RHPN2: variants seen among roughly 807,000 people sequenced by gnomAD.
RHPN2 encodes rhophilin Rho GTPase binding protein 2.
A neutral mutation model predicts 79.0 loss-of-function variants in RHPN2; 40 were observed. The observed-to-expected ratio is 0.51, with a 90% CI of 0.39 to 0.66. RHPN2 has a LOEUF of 0.66. RHPN2 is among the 30% of genes least tolerant of loss of function. The pLI, the probability that RHPN2 is intolerant of heterozygous loss-of-function variation, is 0.00. For synonymous variants in RHPN2, 285 were observed against 363.5 expected (o/e 0.78, Z 2.46); for missense variants, 686 against 883.5 (o/e 0.78, Z 2.83).
At position 32,996,120 on chromosome 19, in the gene RHPN2, C is replaced by A. The variant is rs756689373; in HGVS notation, c.1326G>T (p.Val442=). The A allele has an allele frequency of 6.2e-7, 1 of 1,614,096 alleles. No individual in the cohort carries two copies. The highest frequency in any genetic ancestry group is 1.1e-5 in the South Asian group (1 of 91,078). Residue 442 remains valine, a synonymous_variant, in exon 11 of 15, where the codon GTG becomes GTT. Transcript: ENST00000254260. Reference sequence around the variant, plus strand: ...GGGAGCGTTCCTGTGCGGCACACAGCACCTTCTGTAGCACCTCAATGCTCC... The same window carrying A: ...GGGAGCGTTCCTGTGCGGCACACAGAACCTTCTGTAGCACCTCAATGCTCC... ...KLRSIEVLQK[V]LCAAQERSRL... is the part of the protein sequence containing the mutation.
chr19:33,064,460 G>A (rs1422655630), intron 1 of RHPN2, among the ~76,000 whole-genome samples: 2 of 144,246 alleles, frequency 1.4e-5, no homozygotes, highest in African/African-American at 5.0e-5. Context: ...AGGCACCAGG[G>A]ATCGCAAGCG....
intron 3 of RHPN2, among the ~76,000 whole-genome samples, chr19:33,021,935 CTTT>C (rs1330489821): frequency 1.3e-5 from 2 of 151,644 alleles, no homozygotes; most frequent in Non-Finnish European, 2.9e-5. Flanking sequence ...TCAATGGTTC[CTTT>C]TTTATTTTAT....
intron 1 of RHPN2, among the ~76,000 whole-genome samples, chr19:33,050,407 T>A (rs1027274650): frequency 6.6e-6 from 1 of 152,184 alleles, no homozygotes. Context: ...AATTTATATA[T>A]AATAAAATAC....
At chr19:32,982,608 G>C (rs2145997013) in intron 14 of RHPN2, among the ~76,000 whole-genome samples, 1 of 151,998 alleles carries the variant, frequency 6.6e-6, no homozygotes, top group African/African-American at 2.4e-5. Context: ...AATAATCCTG[G>C]AGACAGATGT....
intron 4 of RHPN2, among the ~76,000 whole-genome samples, chr19:33,018,473 G>C (rs1971896139): frequency 6.6e-6 from 1 of 152,178 alleles, no homozygotes; most frequent in South Asian, 2.1e-4. Context: ...CTGGGCATAA[G>C]TCTCAGGTAA....
At chr19:32,997,760 G>A (rs771178661) in intron 10 of RHPN2, among the ~76,000 whole-genome samples, 4 of 152,310 alleles carry the variant, frequency 2.6e-5, no homozygotes, top group Non-Finnish European at 4.4e-5. Context: ...CAAAGTGCTG[G>A]GATTGCAGGT....
intron 14 of RHPN2, among the ~76,000 whole-genome samples, chr19:32,989,380 A>G (rs113073205): frequency 2.6e-5 from 4 of 152,266 alleles, no homozygotes; most frequent in African/African-American, 9.6e-5. Context: ...AAGTACTCAG[A>G]TTACAGGCAT....
At chr19:33,045,426 C>T (rs1162098649) in intron 1 of RHPN2, among the ~76,000 whole-genome samples, 1 of 151,800 alleles carries the variant, frequency 6.6e-6, no homozygotes, top group Non-Finnish European at 1.5e-5. Flanking sequence ...TTAAAATAAA[C>T]AATTCATTGG....
chr19:33,050,175 T>C (rs565296233), intron 1 of RHPN2, among the ~76,000 whole-genome samples: 1 of 152,254 alleles, frequency 6.6e-6, no homozygotes, highest in East Asian at 1.9e-4. Context: ...GCCTTGAACC[T>C]GGGAGGCTGT....
intron 4 of RHPN2, 140 bp downstream of exon 4, chr19:33,021,431 A>C (rs1971922945): frequency 1.4e-6 from 1 of 710,024 alleles, no homozygotes; most frequent in Admixed American, 2.0e-5. Flanking sequence ...ATCACAACTC[A>C]CTGCAGCCTC....
intron 2 of RHPN2, chr19:33,026,934 A>G (rs1452990248): frequency 2.7e-6 from 1 of 366,302 alleles, no homozygotes; most frequent in Admixed American, 3.7e-5. Flanking sequence ...CATGCCCTAA[A>G]ATACCATAAG....
At chr19:33,005,762 G>C (rs1971785954) in intron 7 of RHPN2, among the ~76,000 whole-genome samples, 1 of 152,088 alleles carries the variant, frequency 6.6e-6, no homozygotes, top group Non-Finnish European at 1.5e-5. Context: ...TCAGAGACAG[G>C]ACACAGAGTG....
intron 1 of RHPN2, among the ~76,000 whole-genome samples, chr19:33,056,835 C>G (rs943788851): frequency 1.3e-5 from 2 of 151,660 alleles, no homozygotes; most frequent in East Asian, 3.9e-4. Context: ...CCAGGCCGGG[C>G]GCAGTGGCTC....
At chr19:33,030,867 C>CG (rs1972005379) in intron 2 of RHPN2, among the ~76,000 whole-genome samples, 1 of 152,190 alleles carries the variant, frequency 6.6e-6, no homozygotes, top group African/African-American at 2.4e-5. Flanking sequence ...AGTAGGGGCT[C>CG]GGTCCCACAA....
At chr19:33,047,045 G>C (rs1972148182) in intron 1 of RHPN2, among the ~76,000 whole-genome samples, 1 of 152,000 alleles carries the variant, frequency 6.6e-6, no homozygotes, top group Non-Finnish European at 1.5e-5. Context: ...TTTTGGTAGA[G>C]ACAAGGTTTC....
chr19:32,989,992 C>A (rs1286014067), intron 14 of RHPN2, among the ~76,000 whole-genome samples: 3 of 152,032 alleles, frequency 2.0e-5, no homozygotes, highest in African/African-American at 7.2e-5. Flanking sequence ...GTAGTCCCAC[C>A]TGCTTGGGAG....
chr19:33,031,567 T>C (rs938554313), intron 2 of RHPN2, among the ~76,000 whole-genome samples: 1 of 151,566 alleles, frequency 6.6e-6, no homozygotes, highest in African/African-American at 2.4e-5. Flanking sequence ...TTTGTATAGA[T>C]GGTGTCTTGC....
intron 14 of RHPN2, among the ~76,000 whole-genome samples, chr19:32,988,854 C>G (rs1426829582): frequency 6.6e-6 from 1 of 152,176 alleles, no homozygotes; most frequent in African/African-American, 2.4e-5. Context: ...CTTTACAGCA[C>G]TTATCAAAAT....
At chr19:32,986,789 G>A (rs1332507136) in intron 14 of RHPN2, among the ~76,000 whole-genome samples, 2 of 130,740 alleles carry the variant, frequency 1.5e-5, no homozygotes, top group East Asian at 4.3e-4. Flanking sequence ...GCAAGACTCT[G>A]TCTCAAAAAA....
Sources: gnomAD v4.1 joint callset for allele counts (sites outside exome capture counted in the v4.1 genomes callset) on GRCh38, gnomAD v4.1.1 for gene constraint, MANE v1.5 for transcripts, NCBI Gene and HGNC (gene_info 2026-07-23, HGNC 2026-07-21) for gene names.